POMT1: variants seen among roughly 807,000 people sequenced by gnomAD.
POMT1 encodes protein O-mannosyltransferase 1, also known as protein O-mannosyl-transferase 1.
In POMT1, 85 loss-of-function variants were observed where a neutral mutation model predicts 101.6. The observed-to-expected ratio is 0.84, with a 90% CI of 0.70 to 1.00. POMT1 has a LOEUF of 1.00. Among genes scored for constraint, POMT1 ranks in the 50% least tolerant of loss-of-function variants. The probability of loss-of-function intolerance (pLI) is 0.00; values close to 1 mark genes in which losing one functional copy is unlikely to be tolerated. For missense variants in POMT1, 857 were observed against 930.4 expected, an observed-to-expected ratio of 0.92 and a Z score of 1.03; for synonymous variants, 371 against 383.0, an observed-to-expected ratio of 0.97 and a Z score of 0.37.
rs1462200239 is a variant in POMT1 at position 131,523,179 on chromosome 9, T to A, written c.*73T>A. The A allele has an allele frequency of 6.5e-7, 1 of 1,549,518 alleles. No homozygotes were observed. The highest frequency in any genetic ancestry group is 1.4e-5 in the African/African-American group (1 of 74,030). ...GAAGGGTCTTGGTCAATGTACGTAA[T>A]GAGCAGGGTGGGCCCCACGCTGGGA... On this transcript the variant is annotated 3_prime_UTR_variant, in exon 20 of 20. Coordinates refer to ENST00000402686, the MANE Select transcript of POMT1 (RefSeq NM_001077365.2).
At chr9:131,507,324 G>T in intron 4 of POMT1, 44 bp from the exon 5 acceptor site, 3 of 1,613,300 alleles carry the variant, frequency 1.9e-6, no homozygotes, top group Non-Finnish European at 2.5e-6. Context: ...CAGAGATGGT[G>T]TGTGCACAGT....
At chr9:131,505,803 G>C (rs991598935) in intron 2 of POMT1, among the ~76,000 whole-genome samples, 11 of 152,136 alleles carry the variant, frequency 7.2e-5, no homozygotes, top group African/African-American at 2.7e-4. Flanking sequence ...TTAGCCTTGC[G>C]TCCCAGGAGG....
At position 131,515,371 on chromosome 9, in the gene POMT1, T is replaced by C. The variant is rs1948079430; in HGVS notation, c.1176-55T>C. On this transcript the variant is annotated intron_variant, in intron 12 of 19. Transcript: ENST00000402686. Reference sequence around the variant, plus strand: ...TTTTCCTGCCTGAAAGATTTAGTAATTGCCTTCCAGAGGAGTTCAAGGAAT... The same window carrying C: ...TTTTCCTGCCTGAAAGATTTAGTAACTGCCTTCCAGAGGAGTTCAAGGAAT... The C allele has an allele frequency of 3.2e-6, 5 of 1,543,700 alleles. No homozygotes were observed. The Admixed American group carries it at 8.3e-5, about 26-fold the overall frequency.
At position 131,521,371 on chromosome 9, in the gene POMT1, T is replaced by C. The variant is rs369461821; in HGVS notation, c.1724T>C (p.Ile575Thr). 7.4e-6 allele frequency: 12 copies of C among 1,614,010 alleles called. No homozygotes were observed. The highest frequency in any genetic ancestry group is 1.3e-5 in the African/African-American group (1 of 74,908). The stretch of plus-strand genomic sequence containing the variant: ...GCTCAGATCCACCTACTTGGAAACA[T>C]AGTGATCTGGGTTTCGGGCAGCCTC... ...TSAQIHLLGN[I>T]VIWVSGSLAL... Residue 575 changes from isoleucine to threonine, a missense_variant, in exon 18 of 20, where the codon ATA (isoleucine) becomes ACA (threonine). Physicochemically the swap from Ile to Thr is moderately conservative, Grantham distance 89 (BLOSUM62 -1). Transcript: ENST00000402686.
intron 15 of POMT1, 24 bp downstream of exon 15, chr9:131,518,981 C>T (rs1254169472): frequency 1.2e-6 from 2 of 1,612,768 alleles, no homozygotes; most frequent in African/African-American, 1.3e-5. Flanking sequence ...GTGGCTTCCG[C>T]CGCTCCTGGA....
chr9:131,517,085 T>C (rs754785317), intron 13 of POMT1: 3 of 152,366 alleles, frequency 2.0e-5, no homozygotes, highest in Admixed American at 2.0e-4. Flanking sequence ...ACTGGGCTTA[T>C]TTCCATAGTG....
chr9:131,521,984 A>G, intron 18 of POMT1, 63 bp from the exon 19 acceptor site: 1 of 1,608,580 alleles, frequency 6.2e-7, no homozygotes. Flanking sequence ...AAAAAGCAAA[A>G]GAGAGAGAAG....
In POMT1 at chr9:131,523,272, T is replaced by C; in HGVS notation, c.*166T>C. ...GGGGTCTCATTGAAAAGCTCTCTGA[T>C]GAGCACCTCCTTTTGTGCAAAGTTA... On this transcript the variant is annotated 3_prime_UTR_variant, in exon 20 of 20. Transcript: ENST00000402686. The C allele has an allele frequency of 1.8e-5, 14 of 772,304 alleles. No individual in the cohort carries two copies. Among genetic ancestry groups the C allele is most frequent in the Non-Finnish European group, 3.0e-5 (14 of 473,792 alleles). 47.8% of individuals were successfully genotyped at this position (772,304 alleles called of 1,614,324 possible). A position where few individuals can be genotyped will look rare whatever the true frequency, so the allele number is the denominator to read the frequency against.
chr9:131,516,337 C>CA (rs1948636548), intron 13 of POMT1, among the ~76,000 whole-genome samples: 1 of 151,334 alleles, frequency 6.6e-6, no homozygotes, highest in African/African-American at 2.4e-5. Flanking sequence ...GGAACACCTC[C>CA]TCACACGGAG....
chr9:131,521,464 T>G lies in POMT1; in HGVS notation c.1817T>G (p.Leu606Arg), dbSNP rs1333310262. The G allele has an allele frequency of 6.2e-7, 1 of 1,613,950 alleles. No homozygotes were observed. The highest frequency in any genetic ancestry group is 8.5e-7 in the Non-Finnish European group (1 of 1,179,990). ...CGACGGCGAAGAAATGTCCATGACC[T>G]CCCTCAGGGTTAGTACCTCTCCCAC... ...LLRRRRNVHD[L>R]PQDAWLRWVL... Residue 606 changes from leucine to arginine, a missense_variant, in exon 18 of 20, where the codon CTC becomes CGC. Transcript: ENST00000402686.
At position 131,508,915 on chromosome 9, in the gene POMT1, T is replaced by C; in HGVS notation, c.432T>C (p.Asn144=). The C allele has an allele frequency of 6.2e-7, 1 of 1,607,342 alleles. No individual in the cohort carries two copies. Among genetic ancestry groups the C allele is most frequent in the Non-Finnish European group, 8.5e-7 (1 of 1,173,792 alleles). The change falls in exon 6 of 20, where the codon AAT becomes AAC. Residue 144 remains asparagine, a synonymous_variant. Coordinates refer to ENST00000402686, the MANE Select transcript of POMT1 (RefSeq NM_001077365.2). ...TGTGTTTCCTCTTTGAAACAGAGAA[T>C]GCTCTCATCACTCAGTCAAGGCTAA... ...MGAALLMLIE[N]ALITQSRLML... is the part of the protein sequence containing the mutation.
At chr9:131,507,118 G>A (rs544509161) in intron 4 of POMT1, among the ~76,000 whole-genome samples, 1 of 151,998 alleles carries the variant, frequency 6.6e-6, no homozygotes, top group South Asian at 2.1e-4. Flanking sequence ...ATATGTATAA[G>A]TAAGGCGGTA....
Position 131,523,674 on chromosome 9 carries a change from TCCCCTCTGAGA to T in POMT1, c.*570_*580del. 6.0e-6 allele frequency: 1 copy of T among 165,844 alleles called. No individual in the cohort carries two copies. Among genetic ancestry groups the T allele is most frequent in the Non-Finnish European group, 1.3e-5 (1 of 74,766 alleles). 10.3% of individuals were successfully genotyped at this position (165,844 alleles called of 1,614,324 possible). A position where few individuals can be genotyped will look rare whatever the true frequency, so the allele number is the denominator to read the frequency against. On this transcript the variant is annotated 3_prime_UTR_variant, in exon 20 of 20. Coordinates refer to ENST00000402686, the MANE Select transcript of POMT1 (RefSeq NM_001077365.2). ...TTGGCACCGTGCTGTGTGGAAACCC[TCCCCTCTGAGA>T]CTCCACTGAGACGTGGCTGAGTGAA... is the stretch of plus-strand genomic sequence containing the variant.
In POMT1 at chr9:131,522,319, C is replaced by T; in HGVS notation, c.2003+95C>T. 1 of 1,576,620 alleles carries T rather than the reference C, an allele frequency of 6.3e-7. No individual in the cohort carries two copies. The highest frequency in any genetic ancestry group is 8.6e-7 in the Non-Finnish European group (1 of 1,166,524). On this transcript the variant is annotated intron_variant, in intron 19 of 19. Coordinates refer to ENST00000402686, the MANE Select transcript of POMT1 (RefSeq NM_001077365.2). This position sits in a 1 kb window ranked among gnomAD's most constrained non-coding sequence, Gnocchi z 5.5. Reference sequence around the variant, plus strand: ...ACACATGGGGTGCAGCGAACCTCACCCATTTCACGTTACACTGACATCCTC... The same window carrying T: ...ACACATGGGGTGCAGCGAACCTCACTCATTTCACGTTACACTGACATCCTC...
chr9:131,519,057 G>A lies in POMT1; in HGVS notation c.1486+100G>A. On this transcript the variant is annotated intron_variant, in intron 15 of 19. Transcript: ENST00000402686. The surrounding 1 kb of genome is among the most constrained non-coding windows in gnomAD (Gnocchi z 4.3). ...TTCTCATTTTGGTGGGAAGGGAACT[G>A]AGCACATTCTCCATGCTCGGTGGCA... The A allele has an allele frequency of 1.9e-6, 3 of 1,562,896 alleles. No individual in the cohort carries two copies. Among genetic ancestry groups the A allele is most frequent in the Non-Finnish European group, 2.6e-6 (3 of 1,153,538 alleles).
In POMT1 at chr9:131,512,180, G is replaced by T. The variant is rs1276463504; in HGVS notation, c.1082+44G>T. ...ACTCCAGAGCAGAGCTCACCTCCTG[G>T]CCTGGCCAGGCGAGACCCTGGGATG... is the stretch of plus-strand genomic sequence containing the variant. On this transcript the variant is annotated intron_variant, in intron 11 of 19. Coordinates refer to ENST00000402686, the MANE Select transcript of POMT1 (RefSeq NM_001077365.2). The T allele has an allele frequency of 1.5e-5, 24 of 1,602,734 alleles. No individual in the cohort carries two copies. The East Asian group carries it at 5.4e-4, about 36-fold the overall frequency.
Position 131,522,477 on chromosome 9 carries a change from ATG to A in POMT1, c.2003+256_2003+257del, listed in dbSNP as rs1249164252. The A allele has an allele frequency of 1.4e-6, 1 of 717,772 alleles. No individual in the cohort carries two copies. The highest frequency in any genetic ancestry group is 2.9e-5 in the Admixed American group (1 of 34,032). The allele number at this position is 717,772 out of a possible 1,614,324, so 44.5% of individuals were successfully genotyped here. A position where few individuals can be genotyped will look rare whatever the true frequency, so the allele number is the denominator to read the frequency against. ...GGGGAGACGGGGAGGGGATGAAGAG[ATG>A]TGGGTGGCCTGGAGGATTCGGGAGC... On this transcript the variant is annotated intron_variant, in intron 19 of 19. Coordinates refer to ENST00000402686, the MANE Select transcript of POMT1 (RefSeq NM_001077365.2). This position sits in a 1 kb window ranked among gnomAD's most constrained non-coding sequence, Gnocchi z 5.5.
Position 131,515,409 on chromosome 9 carries a change from C to G in POMT1, c.1176-17C>G. 1 of 1,612,508 alleles carries G rather than the reference C, an allele frequency of 6.2e-7. No individual in the cohort carries two copies. Among genetic ancestry groups the G allele is most frequent in the Non-Finnish European group, 8.5e-7 (1 of 1,178,522 alleles). ...GAGTTCAAGGAATTTTCTGAAATCTCGGTCTTGGTTTTCCAGGCATGATGT... is the reference window on the plus strand; with the variant it reads ...GAGTTCAAGGAATTTTCTGAAATCTGGGTCTTGGTTTTCCAGGCATGATGT... On this transcript the variant is annotated splice_polypyrimidine_tract_variant and intron_variant, in intron 12 of 19. Coordinates refer to ENST00000402686, the MANE Select transcript of POMT1 (RefSeq NM_001077365.2).
rs398124247 is a variant in POMT1, at chr9:131,510,287, C to G, written c.727C>G (p.Arg243Gly). ...NVCVFCHLLA[R>G]AVALLVIPVV... ...CTGTGTGTTCTGTCACTTGCTCGCC[C>G]GAGCAGTGGCTTTGCTGGTCATCCC... Residue 243 changes from arginine (R) to glycine (G), a missense_variant, in exon 9 of 20, where the codon CGA becomes GGA. By Grantham distance (125) the Arg-to-Gly change is moderately radical. Transcript: ENST00000402686. 3.7e-6 allele frequency: 6 copies of G among 1,614,114 alleles called. No homozygotes were observed. The highest frequency in any genetic ancestry group is 5.1e-6 in the Non-Finnish European group (6 of 1,180,052).
Sources: allele counts gnomAD v4.1 joint callset (sites outside exome capture counted in the v4.1 genomes callset), GRCh38; gene constraint gnomAD v4.1.1; non-coding constraint Gnocchi (gnomAD v3.1); transcripts MANE v1.5; gene names NCBI Gene and HGNC (gene_info 2026-07-23, HGNC 2026-07-21).